Variants in RAB11FIP5 observed in about 807,000 individuals in gnomAD.
The protein encoded by RAB11FIP5 is RAB11 family interacting protein 5.
A neutral mutation model predicts 85.1 loss-of-function variants in RAB11FIP5; 48 were observed. The ratio of observed to expected loss-of-function variants is 0.56; its 90% CI spans 0.45 to 0.72. The LOEUF is 0.72. Ranked by LOEUF, RAB11FIP5 falls within the 30% of genes least tolerant of loss-of-function variation. RAB11FIP5 has a pLI of 0.00. For synonymous variants in RAB11FIP5, 729 were observed against 727.3 expected (o/e 1.00, Z -0.04); for missense variants, 1,491 against 1,687.0 (o/e 0.88, Z 2.04).
At position 73,075,276 on chromosome 2, in the gene RAB11FIP5, G is replaced by A; in HGVS notation, c.*245C>T. On this transcript the variant is annotated 3_prime_UTR_variant, in exon 6 of 6. Transcript: ENST00000486777. This position sits in a 1 kb window ranked among gnomAD's most constrained non-coding sequence, Gnocchi z 4.6. ...TGGGGCCCCCAAAGCTGAGGGATAT[G>A]AAAACAGGCAGGTGGGAAAGACCCA... 2 of 699,002 alleles carry A rather than the reference G, an allele frequency of 2.9e-6. No homozygotes were observed. The highest frequency in any genetic ancestry group is 5.2e-6 in the Non-Finnish European group (2 of 383,300). The allele number at this position is 699,002 out of a possible 1,614,324, so 43.3% of individuals were successfully genotyped here.
Position 73,088,620 on chromosome 2 carries a change from C to A in RAB11FIP5, c.998G>T (p.Arg333Leu). ...GCTCCCATTGACACAGAGCGAAGAG[C>A]GGGAGGCAGCATCCAGGTGGCCCTG... ...DLQGHLDAAS[R>L]SSLCVNGSHI... The change falls in exon 3 of 6, where the codon CGC becomes CTC. Residue 333 changes from arginine to leucine, a missense_variant. Physicochemically the swap from Arg to Leu is moderately radical, Grantham distance 102 (BLOSUM62 -2). Around this residue, in one of 3 missense-constraint regions of RAB11FIP5, gnomAD observed 1,211 missense variants for 1,338.0 expected, o/e 0.91. Coordinates refer to ENST00000486777, the MANE Select transcript of RAB11FIP5 (RefSeq NM_001371272.1). 6.2e-7 allele frequency: 1 copy of A among 1,613,338 alleles called. No homozygotes were observed. The highest frequency in any genetic ancestry group is 8.5e-7 in the Non-Finnish European group (1 of 1,180,022).
At position 73,089,451 on chromosome 2, in the gene RAB11FIP5, A is replaced by T. The variant is rs879542768; in HGVS notation, c.432-136T>A. ...CCTCTCCCCAAAGGCTCCTGCTCTG[A>T]CCCATCGGCCTGGGCTTCCAGGCTT... On this transcript the variant is annotated intron_variant, in intron 1 of 5. Coordinates refer to ENST00000486777, the MANE Select transcript of RAB11FIP5 (RefSeq NM_001371272.1). This position sits in a 1 kb window ranked among gnomAD's most constrained non-coding sequence, Gnocchi z 4.6. 7 of 897,916 alleles carry T rather than the reference A, an allele frequency of 7.8e-6. No homozygotes were observed. The highest frequency in any genetic ancestry group is 1.3e-5 in the Non-Finnish European group (7 of 542,228). The allele number at this position is 897,916 out of a possible 1,614,324, so 55.6% of individuals were successfully genotyped here.
In RAB11FIP5 at chr2:73,089,351, G is replaced by T; in HGVS notation, c.432-36C>A. Reference sequence around the variant, plus strand: ...AGGGGAGCAGGCAGAACTCAGTCACGGGCCCAGGGAGCCTGGCTCCCGCCC... The same window carrying T: ...AGGGGAGCAGGCAGAACTCAGTCACTGGCCCAGGGAGCCTGGCTCCCGCCC... On this transcript the variant is annotated intron_variant, in intron 1 of 5. Coordinates refer to ENST00000486777, the MANE Select transcript of RAB11FIP5 (RefSeq NM_001371272.1). This position sits in a 1 kb window ranked among gnomAD's most constrained non-coding sequence, Gnocchi z 4.6. The T allele has an allele frequency of 6.2e-7, 1 of 1,604,962 alleles. No individual in the cohort carries two copies. The highest frequency in any genetic ancestry group is 8.5e-7 in the Non-Finnish European group (1 of 1,177,052).
chr2:73,100,891 G>T (rs1045774538), intron 1 of RAB11FIP5, among the ~76,000 whole-genome samples: 9 of 152,068 alleles, frequency 5.9e-5, no homozygotes, highest in Non-Finnish European at 8.8e-5. Flanking sequence ...TGCAACCTAC[G>T]CCAGCCTGCA....
At chr2:73,100,067 G>A (rs1040070327) in intron 1 of RAB11FIP5, among the ~76,000 whole-genome samples, 3 of 152,180 alleles carry the variant, frequency 2.0e-5, no homozygotes, top group Admixed American at 6.5e-5. Flanking sequence ...AATGTGAAGA[G>A]GAAGAAATAC....
Position 73,075,631 on chromosome 2 carries a change from G to A in RAB11FIP5, c.3865C>T (p.Gln1289Ter). 1 of 1,614,032 alleles carries A rather than the reference G, an allele frequency of 6.2e-7. No individual in the cohort carries two copies. Among genetic ancestry groups the A allele is most frequent in the Non-Finnish European group, 8.5e-7 (1 of 1,179,972 alleles). ...LLLQRERELS[Q>*]RDEHVQELES... ...AGCTCCTGCACATGCTCGTCCCGCT[G>A]GCTCAGCTCCCGCTCCCGCTGCAGG... Residue 1289 changes from glutamine (Q) to a stop codon, truncating the protein, a stop_gained, in exon 6 of 6, where the codon CAG becomes TAG. Coordinates refer to ENST00000486777, the MANE Select transcript of RAB11FIP5 (RefSeq NM_001371272.1). LOFTEE classifies it high-confidence loss of function. This position sits in a 1 kb window ranked among gnomAD's most constrained non-coding sequence, Gnocchi z 4.6.
intron 1 of RAB11FIP5, among the ~76,000 whole-genome samples, chr2:73,091,416 G>A (rs1264501632): frequency 1.3e-5 from 2 of 151,942 alleles, no homozygotes; most frequent in Non-Finnish European, 2.9e-5. Flanking sequence ...GTCACTAAAG[G>A]GCTCAAAGTC....
rs1024422680 is a variant in RAB11FIP5, at chr2:73,081,530, C to G, written c.1702G>C (p.Ala568Pro). The change falls in exon 4 of 6, where the codon GCC becomes CCC. Residue 568 changes from alanine to proline, a missense_variant. Around this residue, in one of 3 missense-constraint regions of RAB11FIP5, gnomAD observed 1,211 missense variants for 1,338.0 expected, o/e 0.91. Coordinates refer to ENST00000486777, the MANE Select transcript of RAB11FIP5 (RefSeq NM_001371272.1). This position sits in a 1 kb window ranked among gnomAD's most constrained non-coding sequence, Gnocchi z 4.2. Reference protein sequence around the residue: ...APMLSTNLFAAASPAAATAAA... With the variant: ...APMLSTNLFAPASPAAATAAA... ...GCAGTGGCAGCAGCGGGGGAGGCGG[C>G]TGCAAAAAGGTTAGTGCTTAGCATG... is the stretch of plus-strand genomic sequence containing the variant. The G allele has an allele frequency of 1.6e-6, 2 of 1,225,130 alleles. No homozygotes were observed. Among genetic ancestry groups the G allele is most frequent in the East Asian group, 6.3e-5 (2 of 31,700 alleles). 75.9% of individuals were successfully genotyped at this position (1,225,130 alleles called of 1,614,324 possible). A position where few individuals can be genotyped will look rare whatever the true frequency, so the allele number is the denominator to read the frequency against.
In RAB11FIP5 at chr2:73,112,379, C is replaced by T. The variant is rs749741732; in HGVS notation, c.399G>A (p.Glu133=). 6.2e-7 allele frequency: 1 copy of T among 1,600,708 alleles called. No homozygotes were observed. ...FLGQATVALD[E]VFGAGRAQHT... ...GCTGGGCGCGGCCTGCGCCGAAGAC[C>T]TCGTCCAGCGCCACCGTGGCCTGGC... Residue 133 remains glutamate (E), a synonymous_variant, in exon 1 of 6, where the codon GAG becomes GAA. Transcript: ENST00000486777.
rs778857740 is a variant in RAB11FIP5 at position 73,089,031 on chromosome 2, T to C, written c.716A>G (p.Lys239Arg). The C allele has an allele frequency of 6.2e-7, 1 of 1,614,190 alleles. No homozygotes were observed. Among genetic ancestry groups the C allele is most frequent in the Non-Finnish European group, 8.5e-7 (1 of 1,180,008 alleles). ...CTGGGTCAGGGACGACTTGCGCAGC[T>C]TGTTGCGGAGGAAGAAGCCTTTGGC... ...GKAKGFFLRN[K>R]LRKSSLTQSN... is the part of the protein sequence containing the mutation. Residue 239 changes from lysine to arginine, a missense_variant, in exon 2 of 6, where the codon AAG becomes AGG. Lys to Arg is a conservative substitution (Grantham distance 26). This residue lies in a region of RAB11FIP5 where 1,211 missense variants were observed against 1,338.0 expected (regional missense o/e 0.91). Coordinates refer to ENST00000486777, the MANE Select transcript of RAB11FIP5 (RefSeq NM_001371272.1). This position sits in a 1 kb window ranked among gnomAD's most constrained non-coding sequence, Gnocchi z 4.6.
Position 73,112,938 on chromosome 2 carries a change from A to C in RAB11FIP5, c.-161T>G. 2 of 449,474 alleles carry C rather than the reference A, an allele frequency of 4.4e-6. No homozygotes were observed. The highest frequency in any genetic ancestry group is 3.2e-6 in the Non-Finnish European group (1 of 315,054). 27.8% of individuals were successfully genotyped at this position (449,474 alleles called of 1,614,324 possible). A position where few individuals can be genotyped will look rare whatever the true frequency, so the allele number is the denominator to read the frequency against. On this transcript the variant is annotated 5_prime_UTR_variant, in exon 1 of 6. Transcript: ENST00000486777. ...CGACCGGCCGCCGCCTCCCCGCCTC[A>C]CCGGGCCGCTGGCCGCGGGCCGCGC... is the stretch of plus-strand genomic sequence containing the variant.
rs570135995 is a variant in RAB11FIP5 at position 73,098,501 on chromosome 2, C to T, written c.432-9186G>A. Among the ~76,000 whole-genome samples the T allele has an allele frequency of 2.6e-5, 4 of 152,324 alleles. No homozygotes were observed. The East Asian group carries it at 5.8e-4, about 22-fold the overall frequency. On this transcript the variant is annotated intron_variant, in intron 1 of 5. Coordinates refer to ENST00000486777, the MANE Select transcript of RAB11FIP5 (RefSeq NM_001371272.1). ...AAACGCACACGAGCATCGGCTCTCA[C>T]ATTCAGCAGGTGTGAGCACTGAGGT...
chr2:73,088,793 C>G, intron 2 of RAB11FIP5, 44 bp from the exon 3 acceptor site: 1 of 1,539,438 alleles, frequency 6.5e-7, no homozygotes, highest in Non-Finnish European at 8.7e-7. Context: ...AAGAGAGGCC[C>G]CATTTCCTGG....
chr2:73,101,230 G>C (rs1436828405), intron 1 of RAB11FIP5, among the ~76,000 whole-genome samples: 1 of 152,048 alleles, frequency 6.6e-6, no homozygotes, highest in Non-Finnish European at 1.5e-5. Context: ...CAACTGGCCA[G>C]GGCTACAATG....
At position 73,079,910 on chromosome 2, in the gene RAB11FIP5, G is replaced by T. The variant is rs576168295; in HGVS notation, c.3322C>A (p.Pro1108Thr). ...PTPPEPDFPP[P>T]PLPPWASHHR... ...TGGCTGGCCCAAGGCGGGAGAGGGG[G>T]CGGTGGAAAGTCAGGCTCTGGGGGA... Residue 1108 changes from proline to threonine, a missense_variant, in exon 4 of 6, where the codon CCC becomes ACC. Physicochemically the swap from Pro to Thr is conservative, Grantham distance 38 (BLOSUM62 -1). This residue lies in a region of RAB11FIP5 where 48 missense variants were observed against 89.9 expected (regional missense o/e 0.53). Transcript: ENST00000486777. 1 of 1,232,450 alleles carries T rather than the reference G, an allele frequency of 8.1e-7. No homozygotes were observed. The highest frequency in any genetic ancestry group is 1.0e-6 in the Non-Finnish European group (1 of 988,204). 76.3% of individuals were successfully genotyped at this position (1,232,450 alleles called of 1,614,324 possible). A position where few individuals can be genotyped will look rare whatever the true frequency, so the allele number is the denominator to read the frequency against.
At chr2:73,083,584 C>T (rs1684040998) in intron 3 of RAB11FIP5, among the ~76,000 whole-genome samples, 1 of 152,182 alleles carries the variant, frequency 6.6e-6, no homozygotes, top group South Asian at 2.1e-4. Context: ...TACTACCCTG[C>T]TTCTATGGAC....
rs1439298606 is a variant in RAB11FIP5 at position 73,080,761 on chromosome 2, G to A, written c.2471C>T (p.Pro824Leu). 1.8e-5 allele frequency: 22 copies of A among 1,232,478 alleles called. No homozygotes were observed. Among genetic ancestry groups the A allele is most frequent in the Non-Finnish European group, 2.2e-5 (22 of 988,148 alleles). The allele number at this position is 1,232,478 out of a possible 1,614,324, so 76.3% of individuals were successfully genotyped here. Residue 824 changes from proline to leucine, a missense_variant, in exon 4 of 6, where the codon CCT becomes CTT. Transcript: ENST00000486777. Reference sequence around the variant, plus strand: ...GGCATCATCAGCTGTCTCGACGTCAGGGCAAAGCTGATTTTCGCCTCGGGA... The same window carrying A: ...GGCATCATCAGCTGTCTCGACGTCAAGGCAAAGCTGATTTTCGCCTCGGGA... ...ESSRGENQLC[P>L]DVETADDAWP...
chr2:73,106,252 A>G (rs1392933928), intron 1 of RAB11FIP5, among the ~76,000 whole-genome samples: 5 of 152,172 alleles, frequency 3.3e-5, no homozygotes, highest in African/African-American at 1.2e-4. Context: ...TAATGCACCA[A>G]AACAGGTGCC....
intron 1 of RAB11FIP5, among the ~76,000 whole-genome samples, chr2:73,092,524 A>G (rs1684237675): frequency 6.6e-6 from 1 of 152,200 alleles, no homozygotes; most frequent in African/African-American, 2.4e-5. Flanking sequence ...CAGCTTCCTG[A>G]GCCACAAAAT....
Sources: allele counts gnomAD v4.1 joint callset (sites outside exome capture counted in the v4.1 genomes callset), GRCh38; gene constraint gnomAD v4.1.1; regional missense constraint gnomAD v4.1.1; non-coding constraint Gnocchi (gnomAD v3.1); transcripts MANE v1.5; gene names NCBI Gene and HGNC (gene_info 2026-07-23, HGNC 2026-07-21).